The following PHC3 variants were observed in gnomAD, a reference collection of about 807,000 sequenced individuals.
The protein encoded by PHC3 is polyhomeotic-like protein 3.
A neutral mutation model predicts 107.4 loss-of-function variants in PHC3; 13 were observed. The observed-to-expected ratio is 0.12, with a 90% confidence interval of 0.08 to 0.19. The LOEUF is 0.19. Ranked by LOEUF, PHC3 falls within the 10% of genes least tolerant of loss-of-function variation. The probability of loss-of-function intolerance (pLI) is 1.00; values close to 1 mark genes in which losing one functional copy is unlikely to be tolerated. For synonymous variants in PHC3, 456 were observed against 427.4 expected, an observed-to-expected ratio of 1.07 and a Z score of -0.83; for missense variants, 992 against 1,210.9, an observed-to-expected ratio of 0.82 and a Z score of 2.68.
rs1469587338 is a variant in PHC3, at chr3:170,181,671, T to A, written c.14+31A>T. The A allele has an allele frequency of 1.9e-5, 30 of 1,613,230 alleles. No individual in the cohort carries two copies. The East Asian group carries it at 6.7e-4, about 36-fold the overall frequency. Reference sequence around the variant, plus strand: ...CGCTGCCCCAACTCGCCCCCCCTAGTTACGACATCAGTCACCATCTAGTCA... The same window carrying A: ...CGCTGCCCCAACTCGCCCCCCCTAGATACGACATCAGTCACCATCTAGTCA... On this transcript the variant is annotated intron_variant, in intron 1 of 14. Coordinates refer to ENST00000495893, the MANE Select transcript of PHC3 (RefSeq NM_024947.4).
At position 170,091,472 on chromosome 3, in the gene PHC3, A is replaced by G. The variant is rs564236410; in HGVS notation, c.*5758T>C. On this transcript the variant is annotated 3_prime_UTR_variant, in exon 15 of 15. Transcript: ENST00000495893. ...GTATAAAGCTAGCTAGAACCTCACT[A>G]TGTTGTACCTCTAACATTTCCGATT... The G allele has an allele frequency of 3.2e-4, 48 of 152,190 alleles. No homozygotes were observed. Among genetic ancestry groups the G allele is most frequent in the Admixed American group, 1.8e-3 (27 of 15,298 alleles). 9.4% of individuals were successfully genotyped at this position (152,190 alleles called of 1,614,324 possible).
At chr3:170,147,690 T>A (rs1725222443) in intron 5 of PHC3, 1 of 152,280 alleles carries the variant, frequency 6.6e-6, no homozygotes, top group African/African-American at 2.4e-5. Context: ...GCCTTGAGCA[T>A]CCTCAGATTT....
Position 170,094,715 on chromosome 3 carries a change from A to G in PHC3, c.*2515T>C, listed in dbSNP as rs1003487323. ...CATTTTTAAATAAAAACTCACTTGAAAAAAGCAAGTGCATATTTTGTGTAT... is the reference window on the plus strand; with the variant it reads ...CATTTTTAAATAAAAACTCACTTGAGAAAAGCAAGTGCATATTTTGTGTAT... On this transcript the variant is annotated 3_prime_UTR_variant, in exon 15 of 15. Coordinates refer to ENST00000495893, the MANE Select transcript of PHC3 (RefSeq NM_024947.4). 4.6e-5 allele frequency: 7 copies of G among 152,188 alleles called. No individual in the cohort carries two copies. Among genetic ancestry groups the G allele is most frequent in the African/African-American group, 9.6e-5 (4 of 41,452 alleles). 9.4% of individuals were successfully genotyped at this position (152,188 alleles called of 1,614,324 possible). A position where few individuals can be genotyped will look rare whatever the true frequency, so the allele number is the denominator to read the frequency against.
intron 3 of PHC3, among the ~76,000 whole-genome samples, chr3:170,171,789 A>T (rs1729641025): frequency 6.6e-6 from 1 of 152,226 alleles, no homozygotes; most frequent in Admixed American, 6.5e-5. Flanking sequence ...AGTGGGTTTC[A>T]GTTTCCTAAC....
rs146786822 is a variant in PHC3, at chr3:170,140,153, T to C, written c.673-3488A>G. 3.6e-3 allele frequency among the ~76,000 whole-genome samples: 546 copies of C among 150,868 alleles called. 5 individuals are homozygous for C. The highest frequency in any genetic ancestry group is 6.4e-3 in the Non-Finnish European group (432 of 67,490). On this transcript the variant is annotated intron_variant, in intron 6 of 14. Coordinates refer to ENST00000495893, the MANE Select transcript of PHC3 (RefSeq NM_024947.4). ...GTTTTTAGCTTTTAAATCCAAAGGG[T>C]TGTTTTTTTCCTCAATTCTAAGAGT...
intron 8 of PHC3, chr3:170,128,349 A>G (rs974631254): frequency 7.7e-7 from 1 of 1,292,240 alleles, no homozygotes; most frequent in African/African-American, 1.5e-5. Context: ...CCTTAAGAGA[A>G]AAAACTTTGT....
chr3:170,152,151 ATT>A (rs1197985646), intron 4 of PHC3, among the ~76,000 whole-genome samples: 3 of 151,552 alleles, frequency 2.0e-5, no homozygotes, highest in Non-Finnish European at 4.4e-5. Context: ...TTATTCTGTA[ATT>A]TTGTTTGTTT....
chr3:170,176,600 A>G (rs2108780206), intron 2 of PHC3, among the ~76,000 whole-genome samples: 1 of 152,354 alleles, frequency 6.6e-6, no homozygotes, highest in African/African-American at 2.4e-5. Flanking sequence ...TGGGAAAGTT[A>G]TTTAGCTGAT....
At chr3:170,168,947 C>T (rs1040527638) in intron 4 of PHC3, among the ~76,000 whole-genome samples, 4 of 149,472 alleles carry the variant, frequency 2.7e-5, no homozygotes, top group Non-Finnish European at 4.4e-5. Context: ...AGAAGTGTTT[C>T]GGATTTTTTT....
intron 4 of PHC3, among the ~76,000 whole-genome samples, chr3:170,155,400 T>C (rs1440457091): frequency 3.9e-5 from 6 of 152,242 alleles, no homozygotes; most frequent in Non-Finnish European, 8.8e-5. Flanking sequence ...TCTGTGTGTG[T>C]ATATGTATCA....
At chr3:170,169,306 A>G (rs187059486) in intron 4 of PHC3, among the ~76,000 whole-genome samples, 62 of 152,172 alleles carry the variant, frequency 4.1e-4, no homozygotes, top group African/African-American at 1.3e-3. Flanking sequence ...TTATCTGGAA[A>G]CCTAACTCAA....
intron 4 of PHC3, among the ~76,000 whole-genome samples, chr3:170,157,556 ATATTT>A (rs1727084208): frequency 6.6e-6 from 1 of 152,238 alleles, no homozygotes; most frequent in South Asian, 2.1e-4. Context: ...ACTTAAAATT[ATATTT>A]TAAAGAATCC....
chr3:170,169,784 A>G (rs1204023963), intron 4 of PHC3: 1 of 152,238 alleles, frequency 6.6e-6, no homozygotes, highest in Admixed American at 6.5e-5. Flanking sequence ...ATCTATACAA[A>G]TACATCCTAT....
chr3:170,160,952 T>C (rs1305802167), intron 4 of PHC3, among the ~76,000 whole-genome samples: 1 of 152,192 alleles, frequency 6.6e-6, no homozygotes, highest in African/African-American at 2.4e-5. Context: ...ACAGTTCTTT[T>C]AGAATTTATC....
chr3:170,175,556 A>G (rs1255352110), intron 2 of PHC3, among the ~76,000 whole-genome samples: 3 of 147,792 alleles, frequency 2.0e-5, no homozygotes, highest in African/African-American at 5.0e-5. Flanking sequence ...GGAGCACTTG[A>G]GCCCAGGGGG....
chr3:170,172,518 C>T lies in PHC3; in HGVS notation c.336+39G>A, dbSNP rs1405531686. 8 of 1,592,474 alleles carry T rather than the reference C, an allele frequency of 5.0e-6. No homozygotes were observed. The Admixed American group carries it at 1.5e-4, about 30-fold the overall frequency. ...ATTTTCAGTAACTACCTACAGATAACAGAAACTTTGATCTCATAAACTCTT... is the reference window on the plus strand; with the variant it reads ...ATTTTCAGTAACTACCTACAGATAATAGAAACTTTGATCTCATAAACTCTT... On this transcript the variant is annotated intron_variant, in intron 3 of 14. Transcript: ENST00000495893.
chr3:170,112,524 A>ATTT (rs34511229), intron 11 of PHC3, among the ~76,000 whole-genome samples: 4 of 119,742 alleles, frequency 3.3e-5, no homozygotes, highest in Non-Finnish European at 3.5e-5. Flanking sequence ...CGCCTGGCCT[A>ATTT]TTTTTTTTTT....
Position 170,136,544 on chromosome 3 carries a change from G to A in PHC3, c.794C>T (p.Thr265Ile). 6.2e-7 allele frequency: 1 copy of A among 1,612,776 alleles called. No individual in the cohort carries two copies. Among genetic ancestry groups the A allele is most frequent in the Non-Finnish European group, 8.5e-7 (1 of 1,179,470 alleles). ...ATCTCGTTGGCTGATTTTAGAACTG[G>A]TCACTGTTGTTTTGTTATGACAAAT... is the stretch of plus-strand genomic sequence containing the variant. ...LTICHNKTTVTSSKISQRDPS... is the reference protein window; with the variant it reads ...LTICHNKTTVISSKISQRDPS... Residue 265 changes from threonine (T) to isoleucine (I), a missense_variant, in exon 7 of 15, where the codon ACC becomes ATC. By Grantham distance (89) the Thr-to-Ile change is moderately conservative. Transcript: ENST00000495893.
intron 8 of PHC3, among the ~76,000 whole-genome samples, chr3:170,128,088 A>G (rs1721643531): frequency 6.6e-6 from 1 of 152,196 alleles, no homozygotes; most frequent in South Asian, 2.1e-4. Context: ...TAATAATTCT[A>G]TAAGATGGCC....
Sources: gnomAD v4.1 joint callset for allele counts (sites outside exome capture counted in the v4.1 genomes callset) on GRCh38, gnomAD v4.1.1 for gene constraint, MANE v1.5 for transcripts, NCBI Gene and HGNC (gene_info 2026-07-23, HGNC 2026-07-21) for gene names.